IQSEC2: variants seen among roughly 807,000 people sequenced by gnomAD.
IQSEC2 encodes IQ motif and SEC7 domain-containing protein 2.
Under a neutral mutation model 74.6 loss-of-function variants are expected in IQSEC2, and 6 were observed. The ratio of observed to expected loss-of-function variants is 0.08; its 90% CI spans 0.04 to 0.16. The LOEUF (loss-of-function observed/expected upper bound fraction) is 0.16, where lower values mean the gene tolerates loss of function less well. IQSEC2 is among the 10% of genes least tolerant of loss of function. IQSEC2 has a pLI of 1.00. For synonymous variants in IQSEC2, 494 were observed against 544.5 expected, an observed-to-expected ratio of 0.91 and a Z score of 1.29; for missense variants, 734 against 1,306.2, an observed-to-expected ratio of 0.56 and a Z score of 6.75.
chrX:53,292,010 C>G, intron 1 of IQSEC2, 86 bp from the exon 2 acceptor site: 1 of 796,916 alleles, frequency 1.3e-6, no homozygotes, highest in Non-Finnish European at 1.8e-6. Flanking sequence ...CTTTGGGGGG[C>G]CTTGAGGCCT....
intron 1 of IQSEC2, among the ~76,000 whole-genome samples, chrX:53,312,908 C>CTA (rs2075335023): frequency 8.9e-6 from 1 of 112,326 alleles, no homozygotes; most frequent in Non-Finnish European, 1.9e-5. Flanking sequence ...ATATGCAGTC[C>CTA]TATCACTCCT....
chrX:53,254,297 T>C (rs1269487501), intron 4 of IQSEC2, among the ~76,000 whole-genome samples: 2 of 98,381 alleles, frequency 2.0e-5, no homozygotes, highest in African/African-American at 7.8e-5. Context: ...GCCATTGCAC[T>C]CCAGCCTGGG....
At chrX:53,295,867 A>G (rs1482848128) in intron 1 of IQSEC2, among the ~76,000 whole-genome samples, 2 of 110,701 alleles carry the variant, frequency 1.8e-5, no homozygotes, top group Non-Finnish European at 3.8e-5. Flanking sequence ...AATTAGATCA[A>G]GAAGCTTGTC....
intron 2 of IQSEC2, chrX:53,267,100 G>C: frequency 8.8e-7 from 1 of 1,138,095 alleles, no homozygotes; most frequent in Non-Finnish European, 1.2e-6. Flanking sequence ...GGCCACAGGC[G>C]GTGGGTGACA....
Position 53,275,728 on chromosome X carries a change from C to CTTTTTT in IQSEC2, c.737+16161_737+16166dup, listed in dbSNP as rs1219701474. On this transcript the variant is annotated intron_variant, in intron 2 of 14. Transcript: ENST00000642864. ...AACAGAACAACAAGTTGCCCTCATT[C>CTTTTTT]TTTTTTTTTTTTTTTTTTTTGAGAC... 1.2e-3 allele frequency among the ~76,000 whole-genome samples: 100 copies of CTTTTTT among 81,680 alleles called. 2 individuals are homozygous for CTTTTTT. Among genetic ancestry groups the CTTTTTT allele is most frequent in the Middle Eastern group, 7.2e-3 (1 of 138 alleles). The allele number at this position is 81,680 out of a possible 115,157, so 70.9% of individuals were successfully genotyped here. A position where few individuals can be genotyped will look rare whatever the true frequency, so the allele number is the denominator to read the frequency against.
intron 1 of IQSEC2, among the ~76,000 whole-genome samples, chrX:53,317,711 C>T (rs782332568): frequency 2.7e-5 from 3 of 112,468 alleles, no homozygotes; most frequent in African/African-American, 9.7e-5. Flanking sequence ...CTCTACCTAG[C>T]CTCCCCCAAT....
chrX:53,284,417 A>G (rs1378368330), intron 2 of IQSEC2, among the ~76,000 whole-genome samples: 1 of 107,489 alleles, frequency 9.3e-6, no homozygotes, highest in African/African-American at 3.4e-5. Context: ...TCTCAGCTAC[A>G]CTCTGCTGCT....
rs1473797814 is a variant in IQSEC2 at position 53,279,929 on chromosome X, G to A, written c.737+11966C>T. On this transcript the variant is annotated intron_variant, in intron 2 of 14. Coordinates refer to ENST00000642864, the MANE Select transcript of IQSEC2 (RefSeq NM_001111125.3). The stretch of plus-strand genomic sequence containing the variant: ...AAGGAAGGAGGGAGGGAGGGAGGGA[G>A]GGAGGAAGGAAGGAAGGAAGGAAGG... 3.3e-5 allele frequency among the ~76,000 whole-genome samples: 3 copies of A among 92,084 alleles called. No homozygotes were observed. The East Asian group carries it at 1.0e-3, about 31-fold the overall frequency. The allele number at this position is 92,084 out of a possible 115,157, so 80.0% of individuals were successfully genotyped here. A position where few individuals can be genotyped will look rare whatever the true frequency, so the allele number is the denominator to read the frequency against.
At chrX:53,239,507 C>T (rs782360578) in intron 10 of IQSEC2, 1 of 388,339 alleles carries the variant, frequency 2.6e-6, no homozygotes, top group African/African-American at 2.6e-5. Flanking sequence ...TGACCACGCA[C>T]CACAGACATT....
intron 1 of IQSEC2, among the ~76,000 whole-genome samples, chrX:53,308,759 A>G (rs184529743): frequency 3.6e-5 from 4 of 110,325 alleles, no homozygotes; most frequent in African/African-American, 1.3e-4. Context: ...TAATAAAGTT[A>G]CAAAGGTAAC....
rs782065826 is a variant in IQSEC2, at chrX:53,236,304, G to A, written c.3451+18C>T. 3 of 1,201,626 alleles carry A rather than the reference G, an allele frequency of 2.5e-6. No individual in the cohort carries two copies. The Admixed American group carries it at 6.6e-5, about 27-fold the overall frequency. On this transcript the variant is annotated intron_variant, in intron 13 of 14. Coordinates refer to ENST00000642864, the MANE Select transcript of IQSEC2 (RefSeq NM_001111125.3). ...GTCCCGTGTCTCCCCAGCCAGGGCA[G>A]GGGCCCAGAGGGCTTACCTGCATCA...
chrX:53,298,703 G>A (rs1175824366), intron 1 of IQSEC2, among the ~76,000 whole-genome samples: 1 of 110,932 alleles, frequency 9.0e-6, no homozygotes, highest in African/African-American at 3.3e-5. Flanking sequence ...CTCTATTTCT[G>A]GAACTCCTAT....
At chrX:53,263,656 T>A (rs1375964624) in intron 2 of IQSEC2, among the ~76,000 whole-genome samples, 1 of 111,662 alleles carries the variant, frequency 9.0e-6, no homozygotes, top group African/African-American at 3.3e-5. Flanking sequence ...TTGATCTGGG[T>A]GAGCTCATCT....
rs889557321 is a variant in IQSEC2 at position 53,317,653 on chromosome X, C to T, written c.707+2764G>A. Among the ~76,000 whole-genome samples, 7 of 112,171 alleles carry T rather than the reference C, an allele frequency of 6.2e-5. No individual in the cohort carries two copies. The South Asian group carries it at 2.6e-3, about 41-fold the overall frequency. On this transcript the variant is annotated intron_variant, in intron 1 of 14. Coordinates refer to ENST00000642864, the MANE Select transcript of IQSEC2 (RefSeq NM_001111125.3). ...GGCCCAGGCACCACTCTCCCCTCTT[C>T]CTCCACCAGGGGGAGCCTGGGGACC...
At chrX:53,253,266 A>T (rs185055622) in intron 4 of IQSEC2, among the ~76,000 whole-genome samples, 9 of 112,217 alleles carry the variant, frequency 8.0e-5, no homozygotes, top group African/African-American at 2.9e-4. Context: ...CATATATATT[A>T]CCTGTATAGT....
At chrX:53,296,994 T>C (rs1369789338) in intron 1 of IQSEC2, among the ~76,000 whole-genome samples, 2 of 110,588 alleles carry the variant, frequency 1.8e-5, no homozygotes, top group Admixed American at 9.7e-5. Flanking sequence ...AAATCAACAT[T>C]GGTGGTCTAC....
At chrX:53,242,028 CA>C in intron 9 of IQSEC2, 119 bp from the exon 10 acceptor site, 1 of 881,796 alleles carries the variant, frequency 1.1e-6, no homozygotes, top group Non-Finnish European at 1.6e-6. Flanking sequence ...CACTCTGACA[CA>C]AGGGGTATCA....
chrX:53,315,186 T>C (rs1311212330), intron 1 of IQSEC2, among the ~76,000 whole-genome samples: 1 of 111,360 alleles, frequency 9.0e-6, no homozygotes, highest in African/African-American at 3.3e-5. Flanking sequence ...AGGTCAGGAG[T>C]TCGAGACCAG....
rs1252463400 is a variant in IQSEC2, at chrX:53,281,509, C to CG, written c.737+10385dup. 8 of 1,147,854 alleles carry CG rather than the reference C, an allele frequency of 7.0e-6. No individual in the cohort carries two copies. The highest frequency in any genetic ancestry group is 1.9e-5 in the South Asian group (1 of 51,550). 94.6% of individuals were successfully genotyped at this position (1,147,854 alleles called of 1,213,427 possible). On this transcript the variant is annotated intron_variant, in intron 2 of 14. Coordinates refer to ENST00000642864, the MANE Select transcript of IQSEC2 (RefSeq NM_001111125.3). ...CCAGGTTCCTACCTGCTGCTCCTCC[C>CG]GGGGGGCTCCATGGGTCTGGACCTG...
Sources: gnomAD v4.1 joint callset for allele counts (sites outside exome capture counted in the v4.1 genomes callset) on GRCh38, gnomAD v4.1.1 for gene constraint, MANE v1.5 for transcripts, NCBI Gene and HGNC (gene_info 2026-07-23, HGNC 2026-07-21) for gene names.